Variants in VEPH1 observed in about 807,000 individuals in gnomAD.
The protein encoded by VEPH1 is ventricular zone-expressed PH domain-containing protein homolog 1.
In VEPH1, 80 loss-of-function variants were observed where a neutral mutation model predicts 85.2. The ratio of observed to expected loss-of-function variants is 0.94; its 90% CI spans 0.78 to 1.13. The LOEUF (loss-of-function observed/expected upper bound fraction) is 1.13. Ranked by LOEUF, VEPH1 falls within the 50% of genes most tolerant of loss-of-function variation. The pLI is 0.00. For missense variants in VEPH1, 955 were observed against 980.5 expected, an observed-to-expected ratio of 0.97 and a Z score of 0.35; for synonymous variants, 297 against 348.0, an observed-to-expected ratio of 0.85 and a Z score of 1.63.
In VEPH1 at chr3:157,478,246, G is replaced by A. The variant is rs1737678481; in HGVS notation, c.139-7717C>T. Among the ~76,000 whole-genome samples, 4 of 152,214 alleles carry A rather than the reference G, an allele frequency of 2.6e-5. No individual in the cohort carries two copies. In the South Asian group the frequency reaches 8.3e-4, roughly 32 times the overall value. On this transcript the variant is annotated intron_variant, in intron 2 of 13. Transcript: ENST00000362010. ...CTGAAGGGTCATCCCAGTTCCAGAG[G>A]TCCCTGTGAGAGATTAGTTGAGGCC... is the stretch of plus-strand genomic sequence containing the variant.
chr3:157,400,124 C>T (rs1034537580), intron 6 of VEPH1, among the ~76,000 whole-genome samples: 8 of 152,016 alleles, frequency 5.3e-5, no homozygotes, highest in African/African-American at 1.2e-4. Flanking sequence ...TTCAGGAACA[C>T]GCACTTTTTG....
intron 7 of VEPH1, among the ~76,000 whole-genome samples, chr3:157,371,774 G>A (rs890449301): frequency 6.6e-6 from 1 of 152,158 alleles, no homozygotes; most frequent in African/African-American, 2.4e-5. Flanking sequence ...GGTAGGCTTT[G>A]CCTTTTATCC....
At position 157,353,991 on chromosome 3, in the gene VEPH1, A is replaced by G. The variant is rs547538481; in HGVS notation, c.1735+9373T>C. On this transcript the variant is annotated intron_variant, in intron 9 of 13. Transcript: ENST00000362010. ...TGAAATTACTCTGTTTGAAACTACA[A>G]TAACGGACGCAGGTCATTATACATT... 2.6e-5 allele frequency among the ~76,000 whole-genome samples: 4 copies of G among 152,306 alleles called. No homozygotes were observed. In the South Asian group the frequency reaches 6.2e-4, roughly 24 times the overall value.
chr3:157,437,957 T>A, intron 4 of VEPH1: 2 of 1,513,892 alleles, frequency 1.3e-6, no homozygotes, highest in Non-Finnish European at 1.8e-6. Flanking sequence ...TGCGGCTTTG[T>A]TCCGGGAGCG....
intron 11 of VEPH1, among the ~76,000 whole-genome samples, chr3:157,295,820 T>C (rs115293583): frequency 0.029 from 4,418 of 152,260 alleles, 103 homozygotes; most frequent in Middle Eastern, 0.095. Context: ...CTGGATGTGA[T>C]GGCACAGGCC....
intron 5 of VEPH1, among the ~76,000 whole-genome samples, chr3:157,427,220 G>A (rs1190266805): frequency 4.6e-5 from 7 of 152,066 alleles, no homozygotes; most frequent in Admixed American, 6.5e-5. Context: ...TCCTGACCTC[G>A]TGATCTGCCT....
At chr3:157,413,126 G>A (rs1731649420) in intron 6 of VEPH1, among the ~76,000 whole-genome samples, 1 of 152,082 alleles carries the variant, frequency 6.6e-6, no homozygotes, top group Non-Finnish European at 1.5e-5. Flanking sequence ...AAAGCTCTCA[G>A]TCAATTATAG....
intron 9 of VEPH1, among the ~76,000 whole-genome samples, chr3:157,317,902 A>G (rs1353352383): frequency 6.6e-6 from 1 of 152,252 alleles, no homozygotes; most frequent in African/African-American, 2.4e-5. Flanking sequence ...AAACATTATA[A>G]TTAATTGACT....
chr3:157,298,458 A>T (rs1321614812), intron 11 of VEPH1, among the ~76,000 whole-genome samples: 1 of 152,160 alleles, frequency 6.6e-6, no homozygotes. Context: ...AGTGAATATT[A>T]TTTGCAAAAT....
chr3:157,453,452 G>A (rs1735129226), intron 4 of VEPH1, among the ~76,000 whole-genome samples: 1 of 151,970 alleles, frequency 6.6e-6, no homozygotes, highest in Admixed American at 6.6e-5. Flanking sequence ...CGGTATAAAT[G>A]GCTTAATACA....
intron 6 of VEPH1, among the ~76,000 whole-genome samples, chr3:157,406,592 C>T (rs1166981508): frequency 7.3e-6 from 1 of 137,796 alleles, no homozygotes; most frequent in African/African-American, 2.9e-5. Context: ...CAGCATATTC[C>T]AGCTAGTTAG....
chr3:157,380,080 C>T (rs1036965176), intron 7 of VEPH1, among the ~76,000 whole-genome samples: 1 of 152,084 alleles, frequency 6.6e-6, no homozygotes, highest in Non-Finnish European at 1.5e-5. Flanking sequence ...ATATTTTTTC[C>T]AAAGACAAGC....
intron 11 of VEPH1, among the ~76,000 whole-genome samples, chr3:157,306,537 G>GT (rs1559942554): frequency 6.6e-6 from 1 of 150,744 alleles, no homozygotes; most frequent in Non-Finnish European, 1.5e-5. Flanking sequence ...ATACCACAAC[G>GT]TTTTTTTTCC....
In VEPH1 at chr3:157,381,381, C is replaced by T. The variant is rs1434877921; in HGVS notation, c.907-5G>A. On this transcript the variant is annotated splice_polypyrimidine_tract_variant and splice_region_variant and intron_variant, in intron 6 of 13. Coordinates refer to ENST00000362010, the MANE Select transcript of VEPH1 (RefSeq NM_001167912.2). The stretch of plus-strand genomic sequence containing the variant: ...CAGGCAGCTCCTGGCTCTCTCCTAC[C>T]AAAAACAATGAAGAAAATAGGTTTA... The T allele has an allele frequency of 2.5e-6, 4 of 1,613,550 alleles. No individual in the cohort carries two copies. Among genetic ancestry groups the T allele is most frequent in the Admixed American group, 3.3e-5 (2 of 59,980 alleles).
rs182081581 is a variant in VEPH1, at chr3:157,377,012, A to G, written c.1127+4144T>C. 1.2e-3 allele frequency among the ~76,000 whole-genome samples: 179 copies of G among 152,324 alleles called. 1 individual carries two copies. The highest frequency in any genetic ancestry group is 3.7e-3 in the African/African-American group (155 of 41,566). On this transcript the variant is annotated intron_variant, in intron 7 of 13. Coordinates refer to ENST00000362010, the MANE Select transcript of VEPH1 (RefSeq NM_001167912.2). ...AAAATGACTGAAGTTAAATGGTCACAATGAAGGGTATTCAAGGAAAAGATG... is the reference window on the plus strand; with the variant it reads ...AAAATGACTGAAGTTAAATGGTCACGATGAAGGGTATTCAAGGAAAAGATG...
intron 2 of VEPH1, among the ~76,000 whole-genome samples, chr3:157,480,759 A>G (rs1487355028): frequency 6.6e-6 from 1 of 152,164 alleles, no homozygotes; most frequent in Non-Finnish European, 1.5e-5. Flanking sequence ...CAATGAACAT[A>G]AAACTGCATA....
intron 11 of VEPH1, among the ~76,000 whole-genome samples, chr3:157,304,023 T>G (rs74590380): frequency 4.3e-4 from 38 of 89,126 alleles, no homozygotes; most frequent in Non-Finnish European, 6.1e-4. Flanking sequence ...CTTATATTTT[T>G]TATATATATA....
chr3:157,267,195 A>G (rs1713810270), intron 12 of VEPH1, among the ~76,000 whole-genome samples: 2 of 147,504 alleles, frequency 1.4e-5, no homozygotes, highest in Admixed American at 1.4e-4. Flanking sequence ...TCTCGGGCTC[A>G]AGTGATTCCC....
At chr3:157,409,289 T>C (rs1731359999) in intron 6 of VEPH1, among the ~76,000 whole-genome samples, 1 of 152,144 alleles carries the variant, frequency 6.6e-6, no homozygotes, top group African/African-American at 2.4e-5. Flanking sequence ...ACATATTTAA[T>C]CAAATACTAT....
Sources: allele counts gnomAD v4.1 joint callset (sites outside exome capture counted in the v4.1 genomes callset), GRCh38; gene constraint gnomAD v4.1.1; transcripts MANE v1.5; gene names NCBI Gene and HGNC (gene_info 2026-07-23, HGNC 2026-07-21).